The following ERC2 variants were observed in gnomAD, a reference collection of about 807,000 sequenced individuals.
ERC2 encodes ELKS/RAB6-interacting/CAST family member 2.
In ERC2, 42 loss-of-function variants were observed where a neutral mutation model predicts 114.8. The ratio of observed to expected loss-of-function variants is 0.37; its 90% CI spans 0.29 to 0.47. The LOEUF is 0.47. Among genes scored for constraint, ERC2 ranks in the 20% least tolerant of loss-of-function variants. The pLI is 0.99. For missense variants in ERC2, 939 were observed against 1,150.7 expected (o/e 0.82, Z 2.66); for synonymous variants, 454 against 425.5 (o/e 1.07, Z -0.82).
chr3:56,070,311 C>T (rs1341768175), intron 7 of ERC2, among the ~76,000 whole-genome samples: 2 of 152,108 alleles, frequency 1.3e-5, no homozygotes, highest in African/African-American at 4.8e-5. Context: ...ACCTCTAATC[C>T]CATTTCAAAA....
At chr3:55,799,014 G>A (rs545489701) in intron 14 of ERC2, among the ~76,000 whole-genome samples, 7 of 152,220 alleles carry the variant, frequency 4.6e-5, no homozygotes, top group East Asian at 1.9e-4. Context: ...GCGCATGTAC[G>A]TAAGAGGGTG....
intron 14 of ERC2, among the ~76,000 whole-genome samples, chr3:55,832,123 C>T (rs1011837123): frequency 2.6e-5 from 4 of 152,236 alleles, no homozygotes; most frequent in South Asian, 2.1e-4. Context: ...TGGGTGGAGC[C>T]CACCACAACT....
chr3:55,880,347 A>G (rs1185049159), intron 14 of ERC2, among the ~76,000 whole-genome samples: 1 of 152,146 alleles, frequency 6.6e-6, no homozygotes, highest in African/African-American at 2.4e-5. Flanking sequence ...CTTTATAGTT[A>G]AGTTTTACTT....
chr3:56,360,866 C>A (rs2150557853), intron 2 of ERC2, among the ~76,000 whole-genome samples: 1 of 152,212 alleles, frequency 6.6e-6, no homozygotes, highest in East Asian at 1.9e-4. Context: ...TGAGATTGCA[C>A]CACTACACTC....
intron 2 of ERC2, among the ~76,000 whole-genome samples, chr3:56,339,210 A>G (rs1263933637): frequency 6.6e-6 from 1 of 152,162 alleles, no homozygotes; most frequent in African/African-American, 2.4e-5. Flanking sequence ...GTAACAACAG[A>G]TCATCACACA....
intron 17 of ERC2, among the ~76,000 whole-genome samples, chr3:55,634,478 C>T (rs1371551114): frequency 2.0e-5 from 3 of 152,110 alleles, no homozygotes; most frequent in Non-Finnish European, 4.4e-5. Context: ...TCTTGACAAG[C>T]CATTTAGAAT....
intron 15 of ERC2, among the ~76,000 whole-genome samples, chr3:55,721,825 C>T (rs2064572397): frequency 6.6e-6 from 1 of 152,242 alleles, no homozygotes; most frequent in Non-Finnish European, 1.5e-5. Flanking sequence ...TTGTGATCCA[C>T]ATACCTCCTT....
At chr3:56,259,666 TATGATATGATATG>T (rs964626355) in intron 3 of ERC2, among the ~76,000 whole-genome samples, 5 of 151,854 alleles carry the variant, frequency 3.3e-5, no homozygotes, top group African/African-American at 1.2e-4. Flanking sequence ...TATGATATGA[TATGATATGATATG>T]ATATGATATG....
chr3:56,054,764 A>C (rs1269422823), intron 7 of ERC2, among the ~76,000 whole-genome samples: 9 of 152,216 alleles, frequency 5.9e-5, no homozygotes, highest in African/African-American at 2.2e-4. Flanking sequence ...AAAGGCATTT[A>C]CAATCAAGTT....
chr3:56,240,636 C>T (rs1304191261), intron 3 of ERC2, among the ~76,000 whole-genome samples: 1 of 151,772 alleles, frequency 6.6e-6, no homozygotes, highest in Admixed American at 6.6e-5. Flanking sequence ...GTAATAGCAC[C>T]ACCAACTGTG....
chr3:56,201,570 G>T (rs1202749372), intron 3 of ERC2, among the ~76,000 whole-genome samples: 1 of 152,142 alleles, frequency 6.6e-6, no homozygotes, highest in Non-Finnish European at 1.5e-5. Context: ...GTCTGGCAAA[G>T]AATTCATTCC....
intron 10 of ERC2, among the ~76,000 whole-genome samples, chr3:55,997,085 T>A (rs73831850): frequency 0.011 from 1,686 of 152,304 alleles, 5 homozygotes; most frequent in Middle Eastern, 0.027. Context: ...GCAGGGAACA[T>A]TCAATTATTA....
intron 3 of ERC2, among the ~76,000 whole-genome samples, chr3:56,232,996 C>T (rs749441162): frequency 2.0e-5 from 3 of 152,204 alleles, no homozygotes; most frequent in Non-Finnish European, 4.4e-5. Flanking sequence ...TGCATTGGCA[C>T]TTTCTTTTTA....
At chr3:56,454,734 C>G (rs565389473) in intron 1 of ERC2, among the ~76,000 whole-genome samples, 94 of 152,046 alleles carry the variant, frequency 6.2e-4, no homozygotes, top group African/African-American at 2.2e-3. Context: ...ACCTGTAGTC[C>G]TAGCTACTTG....
At chr3:56,002,984 A>G in intron 10 of ERC2, 2 of 620,720 alleles carry the variant, frequency 3.2e-6, no homozygotes, top group South Asian at 3.0e-5. Flanking sequence ...CAGAACGGAA[A>G]GGGGAAGAAA....
chr3:56,177,649 C>A (rs1400038449), intron 3 of ERC2, among the ~76,000 whole-genome samples: 1 of 152,126 alleles, frequency 6.6e-6, no homozygotes, highest in East Asian at 1.9e-4. Context: ...TACCTTTGAG[C>A]CAGACTTTGG....
At chr3:55,796,474 G>A (rs2070501546) in intron 14 of ERC2, among the ~76,000 whole-genome samples, 1 of 152,172 alleles carries the variant, frequency 6.6e-6, no homozygotes, top group Non-Finnish European at 1.5e-5. Flanking sequence ...CGCCCAGGCT[G>A]GAGTGCAGCA....
At chr3:55,634,065 C>T (rs1050151024) in intron 17 of ERC2, among the ~76,000 whole-genome samples, 5 of 152,176 alleles carry the variant, frequency 3.3e-5, no homozygotes, top group African/African-American at 4.8e-5. Flanking sequence ...CAGCAGAGAC[C>T]TCTGCATTAG....
At chr3:56,310,918 A>G (rs1378943485) in intron 2 of ERC2, among the ~76,000 whole-genome samples, 3 of 152,080 alleles carry the variant, frequency 2.0e-5, no homozygotes, top group Non-Finnish European at 2.9e-5. Context: ...TACTGATTTA[A>G]GATTATTTGG....
Sources: allele counts gnomAD v4.1 joint callset (sites outside exome capture counted in the v4.1 genomes callset), GRCh38; gene constraint gnomAD v4.1.1; transcripts MANE v1.5; gene names NCBI Gene and HGNC (gene_info 2026-07-23, HGNC 2026-07-21).